The following CBFA2T2 variants were observed in gnomAD, a reference collection of about 807,000 sequenced individuals.
CBFA2T2 encodes CBFA2/RUNX1 partner transcriptional co-repressor 2.
CBFA2T2 carries 11 observed loss-of-function variants against 62.2 expected under a neutral mutation model. The observed-to-expected ratio is 0.18, with a 90% confidence interval of 0.11 to 0.29. The LOEUF (loss-of-function observed/expected upper bound fraction) is 0.29. Among genes scored for constraint, CBFA2T2 ranks in the 10% least tolerant of loss-of-function variants. The pLI is 1.00. For synonymous variants in CBFA2T2, 295 were observed against 287.5 expected (o/e 1.03, Z -0.27); for missense variants, 592 against 774.1 (o/e 0.76, Z 2.79).
chr20:33,587,256 T>TTTTTGTTTTG (rs61203194), intron 1 of CBFA2T2, among the ~76,000 whole-genome samples: 1 of 149,972 alleles, frequency 6.7e-6, no homozygotes, highest in African/African-American at 2.5e-5. Flanking sequence ...GTTTTTTATT[T>TTTTTGTTTTG]TTTTGTTTTG....
At chr20:33,603,580 A>G (rs1294725216) in intron 1 of CBFA2T2, among the ~76,000 whole-genome samples, 1 of 152,206 alleles carries the variant, frequency 6.6e-6, no homozygotes, top group Non-Finnish European at 1.5e-5. Flanking sequence ...AGTTACTTTG[A>G]ATTTGAAATT....
In CBFA2T2 at chr20:33,645,593, G is replaced by A. The variant is rs1202337729; in HGVS notation, c.*947G>A. On this transcript the variant is annotated 3_prime_UTR_variant, in exon 11 of 11. Coordinates refer to ENST00000342704, the MANE Select transcript of CBFA2T2 (RefSeq NM_001032999.3). ...AGACCACACACATCTGGAACGCTGTGGGCATCTTCTGCCCATGGGCTCCAT... is the reference window on the plus strand; with the variant it reads ...AGACCACACACATCTGGAACGCTGTAGGCATCTTCTGCCCATGGGCTCCAT... The A allele has an allele frequency of 2.0e-5, 3 of 152,168 alleles. No homozygotes were observed. The highest frequency in any genetic ancestry group is 4.8e-5 in the African/African-American group (2 of 41,426). The allele number at this position is 152,168 out of a possible 1,614,324, so 9.4% of individuals were successfully genotyped here. A position where few individuals can be genotyped will look rare whatever the true frequency, so the allele number is the denominator to read the frequency against.
At chr20:33,545,000 T>TAGAAC (rs1198481801) in intron 1 of CBFA2T2, among the ~76,000 whole-genome samples, 3 of 125,688 alleles carry the variant, frequency 2.4e-5, no homozygotes, top group African/African-American at 5.9e-5. Flanking sequence ...TAGAATAGAA[T>TAGAAC]AGAATAGAAT....
At chr20:33,600,562 TG>T (rs2015092036) in intron 1 of CBFA2T2, 9 of 313,068 alleles carry the variant, frequency 2.9e-5, no homozygotes, top group South Asian at 2.2e-4. Flanking sequence ...AGAGAGGCTA[TG>T]GTCCAGGAAA....
intron 5 of CBFA2T2, 64 bp downstream of exon 5, chr20:33,623,360 T>C (rs2016071587): frequency 1.3e-6 from 2 of 1,566,808 alleles, no homozygotes; most frequent in Non-Finnish European, 1.8e-6. Context: ...CCTTTGCTTA[T>C]AAAAGAGAGA....
intron 1 of CBFA2T2, among the ~76,000 whole-genome samples, chr20:33,514,294 AACCTCC>A (rs1242702997): frequency 1.4e-5 from 2 of 141,478 alleles, no homozygotes; most frequent in Non-Finnish European, 3.0e-5. Flanking sequence ...GGCTCGCTAC[AACCTCC>A]ACCTCTTGGG....
intron 1 of CBFA2T2, among the ~76,000 whole-genome samples, chr20:33,549,704 A>T (rs914026138): frequency 6.6e-6 from 1 of 152,188 alleles, no homozygotes; most frequent in African/African-American, 2.4e-5. Flanking sequence ...CACTGAAAAT[A>T]GGCAAATTTT....
intron 1 of CBFA2T2, among the ~76,000 whole-genome samples, chr20:33,601,337 T>G (rs2015125814): frequency 6.6e-6 from 1 of 152,180 alleles, no homozygotes; most frequent in South Asian, 2.1e-4. Context: ...CGGTCTTGGC[T>G]TATTGCAGCC....
At chr20:33,520,943 T>TAC (rs149126825) in intron 1 of CBFA2T2, among the ~76,000 whole-genome samples, 4 of 142,808 alleles carry the variant, frequency 2.8e-5, no homozygotes, top group African/African-American at 7.9e-5. Context: ...TGCCATCACA[T>TAC]ACACACACAC....
chr20:33,584,270 CTTT>C (rs567328176), intron 1 of CBFA2T2, among the ~76,000 whole-genome samples: 1 of 129,392 alleles, frequency 7.7e-6, no homozygotes. Flanking sequence ...TTTTTTTTTT[CTTT>C]TTTTTTTTTT....
In CBFA2T2 at chr20:33,606,980, C is replaced by T. The variant is rs527719357; in HGVS notation, c.59C>T (p.Ala20Val). ...FQLGPEKRVP[A>V]MPGSPVEVKI... Reference sequence around the variant, plus strand: ...GTTGGTCCTGAGAAAAGGGTGCCAGCGATGCCTGGATCGCCTGTGGAAGTG... The same window carrying T: ...GTTGGTCCTGAGAAAAGGGTGCCAGTGATGCCTGGATCGCCTGTGGAAGTG... The change falls in exon 2 of 11, where the codon GCG (alanine) becomes GTG (valine). Residue 20 changes from alanine to valine, a missense_variant. Transcript: ENST00000342704. 9.9e-6 allele frequency: 16 copies of T among 1,613,636 alleles called. No individual in the cohort carries two copies. The highest frequency in any genetic ancestry group is 6.7e-5 in the African/African-American group (5 of 74,922).
chr20:33,508,962 A>G (rs1271508123), intron 1 of CBFA2T2, among the ~76,000 whole-genome samples: 2 of 152,182 alleles, frequency 1.3e-5, no homozygotes, highest in East Asian at 1.9e-4. Flanking sequence ...TAAAGAAAGG[A>G]TTTCTTTGTA....
intron 1 of CBFA2T2, among the ~76,000 whole-genome samples, chr20:33,492,783 T>G (rs2011157771): frequency 6.6e-6 from 1 of 152,166 alleles, no homozygotes; most frequent in Non-Finnish European, 1.5e-5. Context: ...ATTGCTGGGA[T>G]TAAAGTCATG....
intron 1 of CBFA2T2, among the ~76,000 whole-genome samples, chr20:33,496,987 C>T (rs1028045969): frequency 6.6e-6 from 1 of 152,038 alleles, no homozygotes; most frequent in Non-Finnish European, 1.5e-5. Context: ...AAATGTGGTC[C>T]TCTCGGCCGG....
intron 10 of CBFA2T2, 33 bp from the exon 11 acceptor site, chr20:33,644,314 C>T (rs746300316): frequency 6.3e-7 from 1 of 1,587,198 alleles, no homozygotes; most frequent in Non-Finnish European, 8.6e-7. Context: ...CCCTCAATCC[C>T]AGCAACCACT....
chr20:33,626,879 T>C (rs915891040), intron 6 of CBFA2T2, among the ~76,000 whole-genome samples: 1 of 152,190 alleles, frequency 6.6e-6, no homozygotes, highest in African/African-American at 2.4e-5. Context: ...GTGTTGTAAG[T>C]ACATTGTCTT....
chr20:33,529,194 T>A (rs2011973835), intron 1 of CBFA2T2, among the ~76,000 whole-genome samples: 1 of 151,810 alleles, frequency 6.6e-6, no homozygotes, highest in African/African-American at 2.4e-5. Flanking sequence ...CCCGGCTAAT[T>A]TTTTGTATTT....
intron 1 of CBFA2T2, among the ~76,000 whole-genome samples, chr20:33,550,994 T>A (rs185611218): frequency 1.3e-5 from 2 of 152,236 alleles, no homozygotes; most frequent in East Asian, 3.9e-4. Flanking sequence ...GAGTTGTCAA[T>A]GCTGTTTCAG....
intron 1 of CBFA2T2, among the ~76,000 whole-genome samples, chr20:33,535,894 GCATCTGTTTAACGAAGCA>G (rs2012202897): frequency 6.6e-6 from 1 of 152,060 alleles, no homozygotes; most frequent in South Asian, 2.1e-4. Flanking sequence ...CTGCCTTCAA[GCATCTGTTTAACGAAGCA>G]CATCTTGCAC....
Sources: gnomAD v4.1 joint callset for allele counts (sites outside exome capture counted in the v4.1 genomes callset) on GRCh38, gnomAD v4.1.1 for gene constraint, MANE v1.5 for transcripts, NCBI Gene and HGNC (gene_info 2026-07-23, HGNC 2026-07-21) for gene names.